FAM110C: variants seen among roughly 807,000 people sequenced by gnomAD.
The protein encoded by FAM110C is protein FAM110C.
FAM110C carries 19 observed loss-of-function variants against 15.7 expected under a neutral mutation model. The ratio of observed to expected loss-of-function variants is 1.21; its 90% CI spans 0.85 to 1.78. FAM110C has a LOEUF of 1.78. Among genes scored for constraint, FAM110C ranks in the 40% most tolerant of loss-of-function variants. The pLI, the probability that FAM110C is intolerant of heterozygous loss-of-function variation, is 0.00. For synonymous variants in FAM110C, 275 were observed against 233.9 expected (o/e 1.18, Z -1.61); for missense variants, 547 against 495.7 (o/e 1.10, Z -0.98).
Position 46,041 on chromosome 2 carries a change from G to T in FAM110C, c.345C>A (p.Ala115=). The T allele has an allele frequency of 6.6e-7, 1 of 1,514,936 alleles. No homozygotes were observed. The allele number at this position is 1,514,936 out of a possible 1,614,324, so 93.8% of individuals were successfully genotyped here. ...TCACCAGGCTTGCCCTGGGGCCGTC[G>T]GCGCCCGATCCTCGCACGAATTCGC... is the stretch of plus-strand genomic sequence containing the variant. ...QKCEFVRGSG[A]DGPRASLVKK... The change falls in exon 1 of 2, where the codon GCC becomes GCA. Residue 115 remains alanine (A), a synonymous_variant. Coordinates refer to ENST00000327669, the MANE Select transcript of FAM110C (RefSeq NM_001077710.3).
chr2:44,738 T>C, intron 1 of FAM110C: 2 of 985,414 alleles, frequency 2.0e-6, no homozygotes, highest in Non-Finnish European at 2.4e-6. Flanking sequence ...TCCTGTAGTG[T>C]CATCAGAGGC....
chr2:45,711 G>T lies in FAM110C; in HGVS notation c.675C>A (p.Asp225Glu). Residue 225 changes from aspartate to glutamate, a missense_variant, in exon 1 of 2, where the codon GAC becomes GAA. Coordinates refer to ENST00000327669, the MANE Select transcript of FAM110C (RefSeq NM_001077710.3). ...TCCCCAGGGCCTCCACCACCTCGGG[G>T]TCCAGGCCGCAGTACTGGAAGAAGG... ...SDTFFQYCGL[D>E]PEVVEALGRE... 6.2e-7 allele frequency: 1 copy of T among 1,602,546 alleles called. No homozygotes were observed. Among genetic ancestry groups the T allele is most frequent in the East Asian group, 2.3e-5 (1 of 44,426 alleles).
intron 1 of FAM110C, chr2:43,387 G>A: frequency 3.0e-6 from 3 of 985,350 alleles, no homozygotes; most frequent in African/African-American, 1.7e-5. Flanking sequence ...GGAGACATGA[G>A]GGGAGGAAGA....
chr2:43,729 C>G (rs1664191700), intron 1 of FAM110C: 1 of 985,256 alleles, frequency 1.0e-6, no homozygotes, highest in Non-Finnish European at 1.2e-6. Context: ...ATTACCTCCC[C>G]ACTATTTATA....
Position 44,788 on chromosome 2 carries a change from C to T in FAM110C, c.946+652G>A, listed in dbSNP as rs1442077446. 4 of 985,304 alleles carry T rather than the reference C, an allele frequency of 4.1e-6. No individual in the cohort carries two copies. The African/African-American group carries it at 5.2e-5, about 13-fold the overall frequency. 61.0% of individuals were successfully genotyped at this position (985,304 alleles called of 1,614,324 possible). On this transcript the variant is annotated intron_variant, in intron 1 of 1. Coordinates refer to ENST00000327669, the MANE Select transcript of FAM110C (RefSeq NM_001077710.3). ...CTCTAGTTACAATCTAGTCCAATTT[C>T]CCCAGTTTAAAAACCTGAAGCTCTC...
intron 1 of FAM110C, chr2:42,358 T>G (rs2103269879): frequency 1.0e-6 from 1 of 968,814 alleles, no homozygotes; most frequent in African/African-American, 1.8e-5. Context: ...GTTTTATGCC[T>G]AATTTCCCAA....
chr2:42,093 A>G (rs1664141537), intron 1 of FAM110C: 2 of 985,412 alleles, frequency 2.0e-6, no homozygotes, highest in Non-Finnish European at 2.4e-6. Flanking sequence ...GAGTGGCCTT[A>G]TGGCTACTCA....
rs1664273941 is a variant in FAM110C at position 45,834 on chromosome 2, G to A, written c.552C>T (p.Pro184=). The change falls in exon 1 of 2, where the codon CCC becomes CCT. Residue 184 remains proline, a synonymous_variant. Coordinates refer to ENST00000327669, the MANE Select transcript of FAM110C (RefSeq NM_001077710.3). The stretch of plus-strand genomic sequence containing the variant: ...TCACCACCCGCGGCTCTGGCCCAGG[G>A]GGCGCGGCCGGGACACTGGAGGGCG... The part of the protein sequence containing the change: ...SAAPSSVPAA[P]PGPEPRVVRR... The A allele has an allele frequency of 6.5e-7, 1 of 1,539,014 alleles. No individual in the cohort carries two copies. Among genetic ancestry groups the A allele is most frequent in the Admixed American group, 2.0e-5 (1 of 51,004 alleles).
In FAM110C at chr2:46,120, G is replaced by A. The variant is rs370633624; in HGVS notation, c.266C>T (p.Ala89Val). ...CGGTCTCAACGGCTTCCGCGCAATA[G>A]CCCTGCGCGCCACCGGGGCCGGGGC... ...ARAPAPVARR[A>V]IARKPLRPDS... Residue 89 changes from alanine to valine, a missense_variant, in exon 1 of 2, where the codon GCT becomes GTT. Transcript: ENST00000327669. The A allele has an allele frequency of 1.4e-5, 20 of 1,464,840 alleles. No homozygotes were observed. Among genetic ancestry groups the A allele is most frequent in the East Asian group, 5.4e-5 (2 of 36,802 alleles). The allele number at this position is 1,464,840 out of a possible 1,614,324, so 90.7% of individuals were successfully genotyped here. A position where few individuals can be genotyped will look rare whatever the true frequency, so the allele number is the denominator to read the frequency against.
rs758549943 is a variant in FAM110C at position 45,689 on chromosome 2, C to A, written c.697G>T (p.Gly233Trp). The A allele has an allele frequency of 2.5e-6, 4 of 1,604,996 alleles. No homozygotes were observed. Among genetic ancestry groups the A allele is most frequent in the Non-Finnish European group, 3.4e-6 (4 of 1,176,454 alleles). Residue 233 changes from glycine (G) to tryptophan (W), a missense_variant, in exon 1 of 2, where the codon GGG becomes TGG. By Grantham distance (184) the Gly-to-Trp change is radical. Coordinates refer to ENST00000327669, the MANE Select transcript of FAM110C (RefSeq NM_001077710.3). ...GACCCCGCGGTGAAGTTCTCCCTCCCCAGGGCCTCCACCACCTCGGGGTCC... is the reference window on the plus strand; with the variant it reads ...GACCCCGCGGTGAAGTTCTCCCTCCACAGGGCCTCCACCACCTCGGGGTCC... ...GLDPEVVEALGRENFTAGSDC... is the reference protein window; with the variant it reads ...GLDPEVVEALWRENFTAGSDC...
At position 45,816 on chromosome 2, in the gene FAM110C, C is replaced by G; in HGVS notation, c.570G>C (p.Arg190=). The G allele has an allele frequency of 6.5e-7, 1 of 1,545,996 alleles. No homozygotes were observed. The highest frequency in any genetic ancestry group is 8.7e-7 in the Non-Finnish European group (1 of 1,149,544). ...GCTGCAGCCCCCGACGCCTCACCAC[C>G]CGCGGCTCTGGCCCAGGGGGCGCGG... is the stretch of plus-strand genomic sequence containing the variant. ...VPAAPPGPEP[R]VVRRRGLQRS... The change falls in exon 1 of 2, where the codon CGG becomes CGC. Residue 190 remains arginine, a synonymous_variant. Transcript: ENST00000327669.
Position 39,744 on chromosome 2 carries a change from G to A in FAM110C, c.*1864C>T, listed in dbSNP as rs1232303362. ...TTTATCTTAAATAAATCTGACCCAG[G>A]CTGCATCCATCCTGTTCTGACAGTA... On this transcript the variant is annotated 3_prime_UTR_variant, in exon 2 of 2. Coordinates refer to ENST00000327669, the MANE Select transcript of FAM110C (RefSeq NM_001077710.3). 1 of 152,080 alleles carries A rather than the reference G, an allele frequency of 6.6e-6. No homozygotes were observed. Among genetic ancestry groups the A allele is most frequent in the Non-Finnish European group, 1.5e-5 (1 of 68,014 alleles). 9.4% of individuals were successfully genotyped at this position (152,080 alleles called of 1,614,324 possible).
In FAM110C at chr2:46,404, G is replaced by T. The variant is rs889370525; in HGVS notation, c.-19C>A. ...CGCGCATCTTCGCGGGGAATGGACC[G>T]ACCGGGGTTCCGGGTCCAGCGGAGA... On this transcript the variant is annotated 5_prime_UTR_variant, in exon 1 of 2. Transcript: ENST00000327669. The T allele has an allele frequency of 6.3e-6, 8 of 1,263,752 alleles. No individual in the cohort carries two copies. The highest frequency in any genetic ancestry group is 7.0e-6 in the Non-Finnish European group (7 of 1,005,210). The allele number at this position is 1,263,752 out of a possible 1,614,324, so 78.3% of individuals were successfully genotyped here. A position where few individuals can be genotyped will look rare whatever the true frequency, so the allele number is the denominator to read the frequency against.
rs546750039 is a variant in FAM110C, at chr2:41,981, C to T, written c.947-354G>A. 3.2e-5 allele frequency: 32 copies of T among 985,372 alleles called. No homozygotes were observed. The South Asian group carries it at 1.5e-3, about 45-fold the overall frequency. The allele number at this position is 985,372 out of a possible 1,614,324, so 61.0% of individuals were successfully genotyped here. On this transcript the variant is annotated intron_variant, in intron 1 of 1. Transcript: ENST00000327669. ...CAGAGTTGGACAACAAAATAGGAAG[C>T]AATGCAGGCAGTTGAACTAAATATC...
chr2:45,639 G>A lies in FAM110C; in HGVS notation c.747C>T (p.Arg249=), dbSNP rs1170399880. ...AGSDCVTLKV[R]SVSVATSGSG... ...TGCCGGAGGTGGCGACGCTCACGCT[G>A]CGCACCTTGAGGGTCACACAGTCCG... The change falls in exon 1 of 2, where the codon CGC becomes CGT. Residue 249 remains arginine (R), a synonymous_variant. Coordinates refer to ENST00000327669, the MANE Select transcript of FAM110C (RefSeq NM_001077710.3). 1 of 1,612,608 alleles carries A rather than the reference G, an allele frequency of 6.2e-7. No individual in the cohort carries two copies. The highest frequency in any genetic ancestry group is 8.5e-7 in the Non-Finnish European group (1 of 1,179,610).
In FAM110C at chr2:45,842, C is replaced by T. The variant is rs781314420; in HGVS notation, c.544G>A (p.Ala182Thr). ...ARSAAPSSVP[A>T]APPGPEPRVV... ...CGCGGCTCTGGCCCAGGGGGCGCGG[C>T]CGGGACACTGGAGGGCGCCGCGGAC... is the stretch of plus-strand genomic sequence containing the variant. Residue 182 changes from alanine to threonine, a missense_variant, in exon 1 of 2, where the codon GCC becomes ACC. Transcript: ENST00000327669. 1.3e-6 allele frequency: 2 copies of T among 1,537,036 alleles called. No homozygotes were observed. Among genetic ancestry groups the T allele is most frequent in the South Asian group, 2.4e-5 (2 of 83,916 alleles).
At chr2:44,471 A>G in intron 1 of FAM110C, 2 of 985,400 alleles carry the variant, frequency 2.0e-6, no homozygotes, top group Non-Finnish European at 2.4e-6. Flanking sequence ...GCAGAAAATA[A>G]TTTCATCTCA....
chr2:43,392 G>A, intron 1 of FAM110C: 4 of 985,392 alleles, frequency 4.1e-6, no homozygotes, highest in Non-Finnish European at 4.8e-6. Flanking sequence ...CATGAGGGGA[G>A]GAAGAAGCCC....
intron 1 of FAM110C, chr2:41,958 G>T: frequency 1.0e-6 from 1 of 985,368 alleles, no homozygotes; most frequent in Non-Finnish European, 1.2e-6. Flanking sequence ...AACTACTACA[G>T]AGTTGGACAA....
Sources: gnomAD v4.1 joint callset for allele counts on GRCh38, gnomAD v4.1.1 for gene constraint, MANE v1.5 for transcripts, NCBI Gene and HGNC (gene_info 2026-07-23, HGNC 2026-07-21) for gene names.